Variants in TLL2 observed in about 807,000 individuals in gnomAD.
TLL2 encodes tolloid-like protein 2.
In TLL2, 106 loss-of-function variants were observed where a neutral mutation model predicts 123.0. That is an observed-to-expected ratio of 0.86 (90% CI 0.74 to 1.01). The LOEUF (loss-of-function observed/expected upper bound fraction) is 1.01, where lower values mean the gene tolerates loss of function less well. Ranked by LOEUF, TLL2 falls within the 50% of genes least tolerant of loss-of-function variation. The pLI, the probability that TLL2 is intolerant of heterozygous loss-of-function variation, is 0.00. For synonymous variants in TLL2, 494 were observed against 516.8 expected (o/e 0.96, Z 0.60); for missense variants, 1,332 against 1,336.7 (o/e 1.00, Z 0.06).
intron 8 of TLL2, 108 bp downstream of exon 8, chr10:96,413,084 G>C: frequency 6.8e-7 from 1 of 1,478,690 alleles, no homozygotes; most frequent in South Asian, 1.3e-5. Flanking sequence ...AGAAATTAAA[G>C]CTGCCAAGGA....
chr10:96,510,316 A>G (rs1847616559), intron 1 of TLL2, among the ~76,000 whole-genome samples: 1 of 152,174 alleles, frequency 6.6e-6, no homozygotes, highest in South Asian at 2.1e-4. Flanking sequence ...GCTATGGATG[A>G]CCAGACAGAG....
intron 1 of TLL2, among the ~76,000 whole-genome samples, chr10:96,501,290 C>T (rs1465738605): frequency 6.6e-6 from 1 of 152,218 alleles, no homozygotes; most frequent in Non-Finnish European, 1.5e-5. Flanking sequence ...TGAGTGAACT[C>T]ATACATGTTT....
intron 5 of TLL2, among the ~76,000 whole-genome samples, chr10:96,423,862 A>G (rs1438630197): frequency 6.6e-6 from 1 of 152,200 alleles, no homozygotes; most frequent in Non-Finnish European, 1.5e-5. Flanking sequence ...AGCACTGTTC[A>G]TGATAGCTAA....
At chr10:96,399,328 C>A (rs1021913677) in intron 10 of TLL2, among the ~76,000 whole-genome samples, 1 of 152,172 alleles carries the variant, frequency 6.6e-6, no homozygotes, top group South Asian at 2.1e-4. Flanking sequence ...GGTACTCTTA[C>A]TGCCAGTGCT....
At chr10:96,378,194 C>G (rs1846154650) in intron 17 of TLL2, among the ~76,000 whole-genome samples, 1 of 152,266 alleles carries the variant, frequency 6.6e-6, no homozygotes, top group Non-Finnish European at 1.5e-5. Context: ...TCTCCTAAAT[C>G]CAGACTGTTT....
chr10:96,478,715 A>G (rs35529233), intron 2 of TLL2, among the ~76,000 whole-genome samples: 3,113 of 152,344 alleles, frequency 0.02, 50 homozygotes, highest in South Asian at 0.056. Context: ...AACCAGACAC[A>G]GTAATACAGA....
chr10:96,425,548 C>T (rs1364868453), intron 5 of TLL2, among the ~76,000 whole-genome samples: 1 of 151,260 alleles, frequency 6.6e-6, no homozygotes, highest in Non-Finnish European at 1.5e-5. Context: ...GCATTTTCTT[C>T]CTATAGGTCT....
At chr10:96,508,020 G>A (rs529092549) in intron 1 of TLL2, among the ~76,000 whole-genome samples, 3 of 152,350 alleles carry the variant, frequency 2.0e-5, no homozygotes, top group Non-Finnish European at 2.9e-5. Context: ...ACCTAGGTGT[G>A]GCCCATGGTG....
chr10:96,512,949 G>A (rs1194508078), intron 1 of TLL2, among the ~76,000 whole-genome samples: 1 of 152,240 alleles, frequency 6.6e-6, no homozygotes, highest in Non-Finnish European at 1.5e-5. Flanking sequence ...GGCCGGTACC[G>A]CTACAGGGAA....
chr10:96,502,344 G>A (rs1847542634), intron 1 of TLL2, among the ~76,000 whole-genome samples: 1 of 152,222 alleles, frequency 6.6e-6, no homozygotes, highest in Non-Finnish European at 1.5e-5. Flanking sequence ...ACATGAGTTT[G>A]AGAAAGATCA....
intron 7 of TLL2, among the ~76,000 whole-genome samples, chr10:96,417,231 A>G (rs987740175): frequency 6.6e-6 from 1 of 152,204 alleles, no homozygotes; most frequent in African/African-American, 2.4e-5. Context: ...AAGTAATGAC[A>G]TGGAGTTGGG....
chr10:96,400,369 A>C (rs866324435), intron 10 of TLL2, among the ~76,000 whole-genome samples: 29 of 149,394 alleles, frequency 1.9e-4, no homozygotes, highest in Admixed American at 3.3e-4. Context: ...AAAAAAAAAA[A>C]AAAAAAAAAA....
At chr10:96,506,016 G>C (rs1263765937) in intron 1 of TLL2, among the ~76,000 whole-genome samples, 2 of 152,014 alleles carry the variant, frequency 1.3e-5, no homozygotes, top group African/African-American at 4.8e-5. Context: ...CACTTTGGGA[G>C]GCTGAGGCGG....
intron 7 of TLL2, among the ~76,000 whole-genome samples, chr10:96,417,609 G>C (rs575614541): frequency 6.6e-6 from 1 of 152,302 alleles, no homozygotes; most frequent in African/African-American, 2.4e-5. Flanking sequence ...TTCCAGAGCT[G>C]GGGCCTTAAG....
chr10:96,437,370 G>A (rs985484912), intron 3 of TLL2, among the ~76,000 whole-genome samples: 1 of 152,122 alleles, frequency 6.6e-6, no homozygotes, highest in Admixed American at 6.5e-5. Flanking sequence ...ATTGATACAA[G>A]CCACTGATTT....
At chr10:96,476,222 G>GAA (rs1847245038) in intron 2 of TLL2, among the ~76,000 whole-genome samples, 2 of 93,284 alleles carry the variant, frequency 2.1e-5, no homozygotes, top group Admixed American at 2.4e-4. Flanking sequence ...AATTTTATAT[G>GAA]TATATATATA....
intron 8 of TLL2, 143 bp from the exon 9 acceptor site, chr10:96,410,617 T>G (rs1200600512): frequency 1.4e-6 from 1 of 723,248 alleles, no homozygotes; most frequent in Non-Finnish European, 2.5e-6. Flanking sequence ...AGCAAGCAGA[T>G]TGATGTTTTC....
At chr10:96,511,642 C>A (rs918203335) in intron 1 of TLL2, among the ~76,000 whole-genome samples, 3 of 152,244 alleles carry the variant, frequency 2.0e-5, no homozygotes, top group Non-Finnish European at 2.9e-5. Flanking sequence ...AAGCCTGCCT[C>A]AGGGTTATCC....
chr10:96,502,360 C>A (rs1847542936), intron 1 of TLL2, among the ~76,000 whole-genome samples: 1 of 152,170 alleles, frequency 6.6e-6, no homozygotes, highest in Non-Finnish European at 1.5e-5. Context: ...GATCACTCTG[C>A]AATGTGGAAA....
Sources: gnomAD v4.1 joint callset for allele counts (sites outside exome capture counted in the v4.1 genomes callset) on GRCh38, gnomAD v4.1.1 for gene constraint, MANE v1.5 for transcripts, NCBI Gene and HGNC (gene_info 2026-07-23, HGNC 2026-07-21) for gene names.